Variants in TASP1 observed in about 807,000 individuals in gnomAD.
TASP1 encodes the protein threonine aspartase 1.
Under a neutral mutation model 56.6 loss-of-function variants are expected in TASP1, and 16 were observed. The ratio of observed to expected loss-of-function variants is 0.28; its 90% CI spans 0.19 to 0.43. The LOEUF is 0.43. Ranked by LOEUF, TASP1 falls within the 20% of genes least tolerant of loss-of-function variation. The pLI is 1.00. For synonymous variants in TASP1, 179 were observed against 184.2 expected (o/e 0.97, Z 0.23); for missense variants, 393 against 511.6 (o/e 0.77, Z 2.24).
chr20:13,438,717 C>T (rs1462671523), intron 11 of TASP1, among the ~76,000 whole-genome samples: 1 of 152,138 alleles, frequency 6.6e-6, no homozygotes, highest in Non-Finnish European at 1.5e-5. Flanking sequence ...AGTGAACAGG[C>T]AACCTATAGA....
At chr20:13,265,099 T>C in the TASP1 span, among the ~76,000 whole-genome samples, 1 of 152,160 alleles carries the variant, frequency 6.6e-6, no homozygotes, top group Non-Finnish European at 1.5e-5. Flanking sequence ...ACAGCAGGTG[T>C]CTCTGATCGT....
At chr20:13,278,840 A>G in the TASP1 span, among the ~76,000 whole-genome samples, 22 of 152,304 alleles carry the variant, frequency 1.4e-4, no homozygotes, top group Non-Finnish European at 2.2e-4. Context: ...CCTCAGAGCT[A>G]GACGTGGGCT....
At chr20:13,576,353 GAAAGA>G (rs1052283836) in intron 6 of TASP1, among the ~76,000 whole-genome samples, 10 of 108,766 alleles carry the variant, frequency 9.2e-5, no homozygotes, top group African/African-American at 3.7e-4. Context: ...AAGAAAGAAA[GAAAGA>G]AAGAAAGAAA....
the TASP1 span, among the ~76,000 whole-genome samples, chr20:13,173,261 T>C: frequency 1.3e-5 from 2 of 152,162 alleles, no homozygotes; most frequent in Non-Finnish European, 2.9e-5. Flanking sequence ...TTCCTAGAGA[T>C]GTAACCCTCC....
At chr20:13,293,846 C>T in the TASP1 span, among the ~76,000 whole-genome samples, 49 of 151,980 alleles carry the variant, frequency 3.2e-4, no homozygotes, top group African/African-American at 5.3e-4. Flanking sequence ...TGGTGGCAGG[C>T]GCCTGTAATC....
At chr20:13,143,220 T>C in the TASP1 span, among the ~76,000 whole-genome samples, 2 of 152,094 alleles carry the variant, frequency 1.3e-5, no homozygotes, top group Non-Finnish European at 2.9e-5. Flanking sequence ...GTGCCGCAGG[T>C]CAGTTATGTA....
chr20:13,603,667 C>T (rs1320992402), intron 4 of TASP1, among the ~76,000 whole-genome samples: 2 of 152,156 alleles, frequency 1.3e-5, no homozygotes, highest in African/African-American at 4.8e-5. Context: ...CCATACATAA[C>T]GCAGTAAGAC....
chr20:13,612,070 A>G (rs2048363412), intron 4 of TASP1, among the ~76,000 whole-genome samples: 1 of 152,178 alleles, frequency 6.6e-6, no homozygotes, highest in Non-Finnish European at 1.5e-5. Flanking sequence ...TAGCTCTTTG[A>G]CACAAATGAC....
At chr20:13,520,567 C>A (rs112971616) in intron 10 of TASP1, among the ~76,000 whole-genome samples, 1 of 152,046 alleles carries the variant, frequency 6.6e-6, no homozygotes, top group Admixed American at 6.6e-5. Context: ...ACTGGCTAGC[C>A]GTATGTAGAA....
At chr20:13,208,152 C>T in the TASP1 span, among the ~76,000 whole-genome samples, 7,531 of 152,204 alleles carry the variant, frequency 0.049, 490 homozygotes, top group East Asian at 0.19. Context: ...AAGTATTATG[C>T]GTCAACTTCC....
At chr20:13,600,714 A>C (rs994030801) in intron 4 of TASP1, 2 of 152,236 alleles carry the variant, frequency 1.3e-5, no homozygotes, top group African/African-American at 4.8e-5. Flanking sequence ...AAATAATTGA[A>C]TTTTATCACT....
At chr20:13,404,575 C>T (rs557620749) in intron 13 of TASP1, among the ~76,000 whole-genome samples, 13 of 152,164 alleles carry the variant, frequency 8.5e-5, no homozygotes, top group African/African-American at 3.1e-4. Flanking sequence ...CACTGCACTC[C>T]AAGTGGGTGA....
chr20:13,530,977 A>G (rs1405291051), intron 9 of TASP1, among the ~76,000 whole-genome samples: 1 of 152,172 alleles, frequency 6.6e-6, no homozygotes, highest in Non-Finnish European at 1.5e-5. Flanking sequence ...AAATGATATT[A>G]TTATTAGTCT....
At chr20:13,388,911 T>C (rs916257572), downstream of TASP1, among the ~76,000 whole-genome samples, 1 of 152,174 alleles carries the variant, frequency 6.6e-6, no homozygotes, top group South Asian at 2.1e-4. Context: ...TGATGTCAAG[T>C]GTATAATTTT....
chr20:13,239,669 C>T, the TASP1 span: 1 of 152,208 alleles, frequency 6.6e-6, no homozygotes, highest in Admixed American at 6.5e-5. Flanking sequence ...CCCACCTGCA[C>T]TCCATGGTGA....
the TASP1 span, among the ~76,000 whole-genome samples, chr20:13,125,502 T>C: frequency 7.9e-5 from 12 of 152,230 alleles, no homozygotes; most frequent in East Asian, 2.3e-3. Context: ...CCAAATTTGG[T>C]GTCTAAAAAC....
chr20:13,401,079 C>A (rs1032905639), intron 13 of TASP1, among the ~76,000 whole-genome samples: 1 of 152,086 alleles, frequency 6.6e-6, no homozygotes, highest in Admixed American at 6.6e-5. Flanking sequence ...CCAAACAGGG[C>A]GGCTACCACC....
the TASP1 span, among the ~76,000 whole-genome samples, chr20:13,345,121 CA>C: frequency 1.3e-5 from 2 of 151,418 alleles, no homozygotes; most frequent in African/African-American, 2.4e-5. Flanking sequence ...TATTTTCGTT[CA>C]AAAAAAATTG....
At chr20:13,200,838 A>G in the TASP1 span, among the ~76,000 whole-genome samples, 3 of 152,220 alleles carry the variant, frequency 2.0e-5, no homozygotes, top group Non-Finnish European at 4.4e-5. Flanking sequence ...CATTAGCCAT[A>G]ATGATAATTA....
Sources: gnomAD v4.1 joint callset for allele counts (sites outside exome capture counted in the v4.1 genomes callset) on GRCh38, gnomAD v4.1.1 for gene constraint, MANE v1.5 for transcripts, NCBI Gene and HGNC (gene_info 2026-07-23, HGNC 2026-07-21) for gene names.